The following GLI2 variants were observed in gnomAD, a reference collection of about 807,000 sequenced individuals.
The protein encoded by GLI2 is GLI family zinc finger 2, also known as transcription activator GLI2.
GLI2 carries 22 observed loss-of-function variants against 78.9 expected under a neutral mutation model. That is an observed-to-expected ratio of 0.28 (90% CI 0.20 to 0.40). GLI2 has a LOEUF of 0.40. Among genes scored for constraint, GLI2 ranks in the 10% least tolerant of loss-of-function variants. The probability of loss-of-function intolerance (pLI) is 1.00; values close to 1 mark genes in which losing one functional copy is unlikely to be tolerated. For synonymous variants in GLI2, 974 were observed against 963.7 expected, an observed-to-expected ratio of 1.01 and a Z score of -0.20; for missense variants, 2,097 against 2,213.2, an observed-to-expected ratio of 0.95 and a Z score of 1.05.
At chr2:120,847,406 G>A (rs74667827) in intron 2 of GLI2, among the ~76,000 whole-genome samples, 33 of 152,258 alleles carry the variant, frequency 2.2e-4, no homozygotes, top group Admixed American at 1.4e-3. Flanking sequence ...AGGTAAAAGC[G>A]TTTCGAGGTA....
At chr2:120,788,119 A>T (rs1331726334) in intron 1 of GLI2, among the ~76,000 whole-genome samples, 1 of 152,236 alleles carries the variant, frequency 6.6e-6, no homozygotes. Flanking sequence ...TTAACAGATG[A>T]GGAAACTGAG....
chr2:120,804,825 G>A (rs73949903), intron 2 of GLI2, among the ~76,000 whole-genome samples: 2,025 of 152,294 alleles, frequency 0.013, 52 homozygotes, highest in African/African-American at 0.046. Context: ...AAGGTTGGAC[G>A]CCTGGGGCGG....
intron 2 of GLI2, among the ~76,000 whole-genome samples, chr2:120,847,732 T>G (rs1205496873): frequency 7.4e-6 from 1 of 135,540 alleles, no homozygotes; most frequent in East Asian, 2.4e-4. Flanking sequence ...GTTCAGATGT[T>G]CCTGCCTTGG....
chr2:120,990,968 G>A lies in GLI2; in HGVS notation c.*293G>A, dbSNP rs1218237261. 5 of 390,388 alleles carry A rather than the reference G, an allele frequency of 1.3e-5. No individual in the cohort carries two copies. The highest frequency in any genetic ancestry group is 2.0e-5 in the African/African-American group (1 of 49,842). The allele number at this position is 390,388 out of a possible 1,614,324, so 24.2% of individuals were successfully genotyped here. ...GGTGCTTACAGGACCGCGCTGTTCC[G>A]GCTTCTTCACGGCTGACATTCGGCT... On this transcript the variant is annotated 3_prime_UTR_variant, in exon 14 of 14. Coordinates refer to ENST00000361492, the MANE Select transcript of GLI2 (RefSeq NM_001374353.1).
In GLI2 at chr2:120,885,708, A is replaced by T. The variant is rs868180147; in HGVS notation, c.149-41653A>T. Among the ~76,000 whole-genome samples, 69 of 152,284 alleles carry T rather than the reference A, an allele frequency of 4.5e-4. No individual in the cohort carries two copies. The Middle Eastern group carries it at 0.014, about 30-fold the overall frequency. ...ACTCAGGCTTGAGGCCACGGGGAGG[A>T]TTAAAAATAAAATTGCCTCTGCTCC... On this transcript the variant is annotated intron_variant, in intron 2 of 13. Transcript: ENST00000361492.
rs114000762 is a variant in GLI2, at chr2:120,825,735, C to T, written c.148+28267C>T. On this transcript the variant is annotated intron_variant, in intron 2 of 13. Coordinates refer to ENST00000361492, the MANE Select transcript of GLI2 (RefSeq NM_001374353.1). ...CAGGAAAGCTGCCTTGATGACAGCC[C>T]TCCCTCCATGTCCCCCTCCTGGTGC... Among the ~76,000 whole-genome samples, 279 of 152,360 alleles carry T rather than the reference C, an allele frequency of 1.8e-3. 1 individual carries two copies. The highest frequency in any genetic ancestry group is 6.1e-3 in the African/African-American group (254 of 41,596).
chr2:120,825,074 G>A (rs1685981608), intron 2 of GLI2, among the ~76,000 whole-genome samples: 1 of 152,100 alleles, frequency 6.6e-6, no homozygotes, highest in Non-Finnish European at 1.5e-5. Context: ...GACCTCAAGT[G>A]GTCCCCTTCC....
intron 2 of GLI2, among the ~76,000 whole-genome samples, chr2:120,906,069 C>T (rs1009339353): frequency 2.6e-5 from 4 of 152,244 alleles, no homozygotes; most frequent in Non-Finnish European, 5.9e-5. Context: ...GCCACCTGAG[C>T]CCAGCCTCCT....
intron 2 of GLI2, among the ~76,000 whole-genome samples, chr2:120,900,183 T>C (rs1405978703): frequency 1.3e-5 from 2 of 152,206 alleles, no homozygotes; most frequent in Admixed American, 6.5e-5. Flanking sequence ...CCATTGCCTC[T>C]TGAATGGTGG....
chr2:120,878,775 T>C (rs766207222), intron 2 of GLI2, among the ~76,000 whole-genome samples: 4 of 151,824 alleles, frequency 2.6e-5, no homozygotes, highest in Admixed American at 1.3e-4. Flanking sequence ...CTACTAAAAA[T>C]ACAAAAAATT....
intron 10 of GLI2, among the ~76,000 whole-genome samples, chr2:120,978,877 C>G (rs1024035213): frequency 5.9e-5 from 9 of 152,194 alleles, no homozygotes; most frequent in African/African-American, 2.2e-4. Context: ...TATCTGCACC[C>G]TGCAGTTTGC....
intron 3 of GLI2, among the ~76,000 whole-genome samples, chr2:120,939,014 G>T (rs1680326633): frequency 6.6e-6 from 1 of 152,224 alleles, no homozygotes; most frequent in African/African-American, 2.4e-5. Flanking sequence ...AGGTGTGGTG[G>T]CTTACGCCTA....
intron 9 of GLI2, 112 bp from the exon 10 acceptor site, chr2:120,978,322 A>G: frequency 8.8e-7 from 1 of 1,138,322 alleles, no homozygotes; most frequent in Non-Finnish European, 1.3e-6. Flanking sequence ...TGGTCTGCAC[A>G]CAGGTCGGGG....
At chr2:120,753,659 A>G (rs925017380) in intron 1 of GLI2, among the ~76,000 whole-genome samples, 26 of 152,048 alleles carry the variant, frequency 1.7e-4, no homozygotes, top group African/African-American at 5.8e-4. Context: ...AGCACTTTGG[A>G]AGGCCGAGGC....
chr2:120,875,757 G>T (rs1688704907), intron 2 of GLI2, among the ~76,000 whole-genome samples: 1 of 151,782 alleles, frequency 6.6e-6, no homozygotes, highest in African/African-American at 2.4e-5. Flanking sequence ...TCACATGGAA[G>T]GCAACAAAAC....
chr2:120,923,706 G>A (rs184407014), intron 2 of GLI2, among the ~76,000 whole-genome samples: 52 of 151,834 alleles, frequency 3.4e-4, no homozygotes, highest in African/African-American at 1.2e-3. Context: ...AGACACACAC[G>A]TACTACAACA....
At chr2:120,868,940 TC>T (rs1366875823) in intron 2 of GLI2, among the ~76,000 whole-genome samples, 1 of 151,992 alleles carries the variant, frequency 6.6e-6, no homozygotes, top group Non-Finnish European at 1.5e-5. Context: ...GGCGGGCACA[TC>T]GTATTGGAGG....
chr2:120,989,352 G>C lies in GLI2; in HGVS notation c.3387G>C (p.Trp1129Cys), dbSNP rs763165545. 1.2e-6 allele frequency: 2 copies of C among 1,613,002 alleles called. No individual in the cohort carries two copies. The highest frequency in any genetic ancestry group is 1.1e-5 in the South Asian group (1 of 91,086). The change falls in exon 14 of 14, where the codon TGG (tryptophan) becomes TGC (cysteine). Residue 1129 changes from tryptophan to cysteine, a missense_variant. Trp to Cys is a radical substitution (Grantham distance 215). Coordinates refer to ENST00000361492, the MANE Select transcript of GLI2 (RefSeq NM_001374353.1). ...SLNKNNMPVQ[W>C]NEVSSGTVDA... ...ACAAAAATAACATGCCTGTGCAGTG[G>C]AATGAGGTGAGCTCCGGCACCGTAG...
At chr2:120,906,848 G>C (rs1420103644) in intron 2 of GLI2, among the ~76,000 whole-genome samples, 6 of 152,142 alleles carry the variant, frequency 3.9e-5, no homozygotes, top group Non-Finnish European at 8.8e-5. Flanking sequence ...GCAGAGTCCT[G>C]CTGGCCCTGC....
Sources: allele counts gnomAD v4.1 joint callset (sites outside exome capture counted in the v4.1 genomes callset), GRCh38; gene constraint gnomAD v4.1.1; transcripts MANE v1.5; gene names NCBI Gene and HGNC (gene_info 2026-07-23, HGNC 2026-07-21).